Variants in CLN6 observed in about 807,000 individuals in gnomAD.
The protein encoded by CLN6 is CLN6 transmembrane ER protein, also known as ceroid-lipofuscinosis neuronal protein 6.
In CLN6, 22 loss-of-function variants were observed where a neutral mutation model predicts 33.3. The observed-to-expected ratio is 0.66, with a 90% CI of 0.47 to 0.94. The LOEUF is 0.94. Among genes scored for constraint, CLN6 ranks in the 40% least tolerant of loss-of-function variants. CLN6 has a pLI of 0.00. For missense variants in CLN6, 387 were observed against 417.1 expected (o/e 0.93, Z 0.63); for synonymous variants, 201 against 174.6 (o/e 1.15, Z -1.19).
At position 68,247,512 on chromosome 15, in the gene CLN6, A is replaced by G. The variant is rs1190867139; in HGVS notation, c.179+9178T>C. ...TTCAAGGAAAACTACAAAGCACTGAAGAAATAAATTGAAGAGGACACAGCA... is the reference window on the plus strand; with the variant it reads ...TTCAAGGAAAACTACAAAGCACTGAGGAAATAAATTGAAGAGGACACAGCA... On this transcript the variant is annotated intron_variant, in intron 1 of 6. Coordinates refer to the CLN6 transcript ENST00000538696. This position sits in a 1 kb window ranked among gnomAD's most constrained non-coding sequence, Gnocchi z 4.2. Among the ~76,000 whole-genome samples the G allele has an allele frequency of 6.6e-6, 1 of 152,166 alleles. No individual in the cohort carries two copies. The highest frequency in any genetic ancestry group is 1.9e-4 in the East Asian group (1 of 5,204).
rs74020079 is a variant in CLN6, at chr15:68,211,458, C to T, written c.487-140G>A. On this transcript the variant is annotated intron_variant, in intron 4 of 6. Coordinates refer to ENST00000249806, the MANE Select transcript of CLN6 (RefSeq NM_017882.3). This position sits in a 1 kb window ranked among gnomAD's most constrained non-coding sequence, Gnocchi z 5.9. ...CTGCCTTATTCCCTACCCGGGGCCTCGCCTTCTGTTACAGGGGCCCAGGTG... is the reference window on the plus strand; with the variant it reads ...CTGCCTTATTCCCTACCCGGGGCCTTGCCTTCTGTTACAGGGGCCCAGGTG... The T allele has an allele frequency of 8.1e-4, 1,243 of 1,529,512 alleles. 5 individuals are homozygous for T. The African/African-American group carries it at 0.013, about 16-fold the overall frequency. 94.7% of individuals were successfully genotyped at this position (1,529,512 alleles called of 1,614,324 possible). A position where few individuals can be genotyped will look rare whatever the true frequency, so the allele number is the denominator to read the frequency against.
chr15:68,208,094 G>GGGGCCCCCCCCCC lies in CLN6; in HGVS notation c.*45_*46insGGGGGGGGGGCCC. ...CTCCTGTATTCAGATGCCCTCCATG[G>GGGGCCCCCCCCCC]CCCACCCTCCCACCCAGCAGAGCGC... On this transcript the variant is annotated 3_prime_UTR_variant, in exon 7 of 7. Coordinates refer to ENST00000249806, the MANE Select transcript of CLN6 (RefSeq NM_017882.3). This position sits in a 1 kb window ranked among gnomAD's most constrained non-coding sequence, Gnocchi z 5.8. 7.3e-7 allele frequency: 1 copy of GGGGCCCCCCCCCC among 1,375,276 alleles called. No individual in the cohort carries two copies. Among genetic ancestry groups the GGGGCCCCCCCCCC allele is most frequent in the Non-Finnish European group, 1.0e-6 (1 of 992,022 alleles). The allele number at this position is 1,375,276 out of a possible 1,614,324, so 85.2% of individuals were successfully genotyped here.
chr15:68,241,522 T>C lies in CLN6; in HGVS notation c.179+15168A>G, dbSNP rs1201365660. Among the ~76,000 whole-genome samples the C allele has an allele frequency of 1.3e-5, 2 of 151,952 alleles. No homozygotes were observed. The highest frequency in any genetic ancestry group is 2.9e-5 in the Non-Finnish European group (2 of 67,942). On this transcript the variant is annotated intron_variant, in intron 1 of 6. Coordinates refer to the CLN6 transcript ENST00000538696. The surrounding 1 kb of genome is among the most constrained non-coding windows in gnomAD (Gnocchi z 4.2). ...GACTAGCTTTTCCACCATTGTGGGTTTCCTGGCAGGAGACCTTGCCTCTGC... is the reference window on the plus strand; with the variant it reads ...GACTAGCTTTTCCACCATTGTGGGTCTCCTGGCAGGAGACCTTGCCTCTGC...
upstream of CLN6, among the ~76,000 whole-genome samples, chr15:68,231,233 T>C (rs1012571267): frequency 2.2e-4 from 33 of 152,168 alleles, no homozygotes; most frequent in Admixed American, 2.1e-3. Context: ...TCCTGGGCTC[T>C]AGCAGCCCAC....
In CLN6 at chr15:68,249,611, CTAA is replaced by C. The variant is rs535140649; in HGVS notation, c.179+7076_179+7078del. On this transcript the variant is annotated intron_variant, in intron 1 of 6. Transcript: ENST00000538696. The stretch of plus-strand genomic sequence containing the variant: ...TCATGTTCTCACTCACATATGGGAG[CTAA>C]AAAGTGAATCTCATGAAGATAGAGA... Among the ~76,000 whole-genome samples, 368 of 130,052 alleles carry C rather than the reference CTAA, an allele frequency of 2.8e-3. 1 individual carries two copies. Among genetic ancestry groups the C allele is most frequent in the Non-Finnish European group, 4.8e-3 (271 of 56,670 alleles). The allele number at this position is 130,052 out of a possible 152,430, so 85.3% of individuals were successfully genotyped here.
At chr15:68,252,909 C>T (rs1892394662) in intron 1 of CLN6, among the ~76,000 whole-genome samples, 3 of 152,152 alleles carry the variant, frequency 2.0e-5, no homozygotes, top group Admixed American at 2.0e-4. Flanking sequence ...ATCTGAAACT[C>T]AAGCTAGTAT....
In CLN6 at chr15:68,242,680, T is replaced by C. The variant is rs1049069295; in HGVS notation, c.179+14010A>G. Among the ~76,000 whole-genome samples, 1 of 152,218 alleles carries C rather than the reference T, an allele frequency of 6.6e-6. No individual in the cohort carries two copies. Among genetic ancestry groups the C allele is most frequent in the Non-Finnish European group, 1.5e-5 (1 of 68,050 alleles). ...AAATAAAGACAGTTTTAAAGATTATTGGTAAAATAAAATGTCTTGAAAGTG... is the reference window on the plus strand; with the variant it reads ...AAATAAAGACAGTTTTAAAGATTATCGGTAAAATAAAATGTCTTGAAAGTG... On this transcript the variant is annotated intron_variant, in intron 1 of 6. Coordinates refer to the CLN6 transcript ENST00000538696. This position sits in a 1 kb window ranked among gnomAD's most constrained non-coding sequence, Gnocchi z 5.0.
rs1157559017 is a variant in CLN6 at position 68,210,054 on chromosome 15, C to T, written c.543-295G>A. On this transcript the variant is annotated intron_variant, in intron 5 of 6. Coordinates refer to ENST00000249806, the MANE Select transcript of CLN6 (RefSeq NM_017882.3). This position sits in a 1 kb window ranked among gnomAD's most constrained non-coding sequence, Gnocchi z 5.6. ...AAGGGGTGTCTGGGGGGTTGTCTGT[C>T]TCATGCACCGCAGACACCAGCAGCC... Among the ~76,000 whole-genome samples, 2 of 152,144 alleles carry T rather than the reference C, an allele frequency of 1.3e-5. No individual in the cohort carries two copies. Among genetic ancestry groups the T allele is most frequent in the Admixed American group, 6.5e-5 (1 of 15,274 alleles).
At chr15:68,223,803 T>C in intron 1 of CLN6, among the ~76,000 whole-genome samples, 1 of 150,842 alleles carries the variant, frequency 6.6e-6, no homozygotes. Flanking sequence ...CCCAGCATTT[T>C]GGGAGGCTGA....
Position 68,253,697 on chromosome 15 carries a change from C to T in CLN6, c.179+2993G>A, listed in dbSNP as rs142885998. On this transcript the variant is annotated intron_variant, in intron 1 of 6. Coordinates refer to the CLN6 transcript ENST00000538696. Reference sequence around the variant, plus strand: ...AGTCTGGTGCCAAATAGCTTGTTCACATGATGTGATTGATGTGACAGTGAC... The same window carrying T: ...AGTCTGGTGCCAAATAGCTTGTTCATATGATGTGATTGATGTGACAGTGAC... Among the ~76,000 whole-genome samples the T allele has an allele frequency of 2.2e-4, 34 of 152,346 alleles. 1 individual carries two copies. In the East Asian group the frequency reaches 6.4e-3, roughly 28 times the overall value.
chr15:68,232,399 T>C (rs2141158181), upstream of CLN6, among the ~76,000 whole-genome samples: 1 of 152,282 alleles, frequency 6.6e-6, no homozygotes, highest in East Asian at 1.9e-4. This position sits in a 1 kb window ranked among gnomAD's most constrained non-coding sequence, Gnocchi z 4.7. Flanking sequence ...CCTTGTGATC[T>C]GCCCGCCTTA....
In CLN6 at chr15:68,209,773, G is replaced by T. The variant is rs926031796; in HGVS notation, c.543-14C>A. On this transcript the variant is annotated splice_polypyrimidine_tract_variant and intron_variant, in intron 5 of 6. Transcript: ENST00000249806. The surrounding 1 kb of genome is among the most constrained non-coding windows in gnomAD (Gnocchi z 4.9). ...AAGGGGATGTACCTGTGACAGGAAG[G>T]CCAGTGTCTTAGAGGCCTGCTCAGC... 8 of 1,612,522 alleles carry T rather than the reference G, an allele frequency of 5.0e-6. No homozygotes were observed. The highest frequency in any genetic ancestry group is 5.9e-6 in the Non-Finnish European group (7 of 1,179,486).
chr15:68,211,947 G>A lies in CLN6; in HGVS notation c.298-84C>T. 2 of 1,423,088 alleles carry A rather than the reference G, an allele frequency of 1.4e-6. No individual in the cohort carries two copies. Among genetic ancestry groups the A allele is most frequent in the Non-Finnish European group, 1.9e-6 (2 of 1,026,228 alleles). The allele number at this position is 1,423,088 out of a possible 1,614,324, so 88.2% of individuals were successfully genotyped here. On this transcript the variant is annotated intron_variant, in intron 3 of 6. Coordinates refer to ENST00000249806, the MANE Select transcript of CLN6 (RefSeq NM_017882.3). The surrounding 1 kb of genome is among the most constrained non-coding windows in gnomAD (Gnocchi z 5.9). ...CTCTGCTTCCCCCCTCACACCTGGG[G>A]TGGGATGGACGCTTCCAGCTGGAAT...
rs1258434605 is a variant in CLN6, at chr15:68,246,044, CA to C, written c.179+10645del. 6.6e-6 allele frequency among the ~76,000 whole-genome samples: 1 copy of C among 152,114 alleles called. No individual in the cohort carries two copies. The highest frequency in any genetic ancestry group is 2.4e-5 in the African/African-American group (1 of 41,388). ...CAATTATAAGTATCTATGCACTCAA[CA>C]CTGGAGCACCCAAGTATATTAAGTA... On this transcript the variant is annotated intron_variant, in intron 1 of 6. Coordinates refer to the CLN6 transcript ENST00000538696. This position sits in a 1 kb window ranked among gnomAD's most constrained non-coding sequence, Gnocchi z 4.5.
At position 68,209,665 on chromosome 15, in the gene CLN6, G is replaced by A. The variant is rs750548623; in HGVS notation, c.637C>T (p.Leu213=). The stretch of plus-strand genomic sequence containing the variant: ...TAGTACAGGCCACTGGGTGCCACCA[G>A]GAGCAGGGCAGGCCCTGGAATCAAG... ...ESLIPGPALL[L]VAPSGLYYWY... Residue 213 remains leucine, a synonymous_variant, in exon 6 of 7, where the codon CTG becomes TTG. Transcript: ENST00000249806. The surrounding 1 kb of genome is among the most constrained non-coding windows in gnomAD (Gnocchi z 4.9). 3.4e-5 allele frequency: 55 copies of A among 1,613,356 alleles called. 1 individual carries two copies. The highest frequency in any genetic ancestry group is 1.8e-4 in the Middle Eastern group (1 of 5,682).
At chr15:68,238,281 G>A (rs1892246764) in intron 1 of CLN6, among the ~76,000 whole-genome samples, 1 of 151,884 alleles carries the variant, frequency 6.6e-6, no homozygotes, top group Non-Finnish European at 1.5e-5. Flanking sequence ...GCACGTGCCT[G>A]TAATCCCAGC....
At chr15:68,221,445 T>C (rs2093235677) in intron 1 of CLN6, among the ~76,000 whole-genome samples, 1 of 152,044 alleles carries the variant, frequency 6.6e-6, no homozygotes, top group Admixed American at 6.6e-5. Context: ...TTGACCAGGC[T>C]GGTCTCCAGC....
At chr15:68,214,582 C>A (rs1412787993) in intron 2 of CLN6, 194 bp from the exon 3 acceptor site, 1 of 579,230 alleles carries the variant, frequency 1.7e-6, no homozygotes, top group Non-Finnish European at 3.2e-6. Flanking sequence ...GACAGGAAAG[C>A]TGAGTCCCAG....
Position 68,246,210 on chromosome 15 carries a change from C to T in CLN6, c.179+10480G>A, listed in dbSNP as rs955983045. The stretch of plus-strand genomic sequence containing the variant: ...ATCAGAATTGAACTACACACTAGAC[C>T]AAATAGGCCTAACTGACGTTTACAG... On this transcript the variant is annotated intron_variant, in intron 1 of 6. Transcript: ENST00000538696. This position sits in a 1 kb window ranked among gnomAD's most constrained non-coding sequence, Gnocchi z 4.5. 6.6e-6 allele frequency among the ~76,000 whole-genome samples: 1 copy of T among 152,090 alleles called. No individual in the cohort carries two copies. Among genetic ancestry groups the T allele is most frequent in the Non-Finnish European group, 1.5e-5 (1 of 68,024 alleles).
Sources: allele counts gnomAD v4.1 joint callset (sites outside exome capture counted in the v4.1 genomes callset), GRCh38; gene constraint gnomAD v4.1.1; non-coding constraint Gnocchi (gnomAD v3.1); transcripts MANE v1.5; gene names NCBI Gene and HGNC (gene_info 2026-07-23, HGNC 2026-07-21).